ACOT7: variants seen among roughly 807,000 people sequenced by gnomAD.
ACOT7 encodes cytosolic acyl coenzyme A thioester hydrolase.
A neutral mutation model predicts 40.2 loss-of-function variants in ACOT7; 12 were observed. The ratio of observed to expected loss-of-function variants is 0.30; its 90% CI spans 0.19 to 0.48. The LOEUF is 0.48. ACOT7 is among the 20% of genes least tolerant of loss of function. The pLI is 0.99. For synonymous variants in ACOT7, 228 were observed against 219.5 expected, an observed-to-expected ratio of 1.04 and a Z score of -0.34; for missense variants, 395 against 530.8, an observed-to-expected ratio of 0.74 and a Z score of 2.51.
chr1:6,328,924 C>T (rs542396775), intron 4 of ACOT7, among the ~76,000 whole-genome samples: 1 of 152,344 alleles, frequency 6.6e-6, no homozygotes, highest in Admixed American at 6.5e-5. Flanking sequence ...TCCCCCACGA[C>T]CTTCTCCCTC....
intron 8 of ACOT7, among the ~76,000 whole-genome samples, chr1:6,270,874 G>T (rs1277732304): frequency 6.6e-6 from 1 of 152,168 alleles, no homozygotes. Flanking sequence ...GGGCCAGATG[G>T]CCCGGGGTCA....
At chr1:6,365,899 T>C (rs1642000019) in intron 1 of ACOT7, among the ~76,000 whole-genome samples, 1 of 151,526 alleles carries the variant, frequency 6.6e-6, no homozygotes, top group Admixed American at 6.6e-5. Context: ...TGTTTTGGGG[T>C]TTATTTTTTT....
intron 1 of ACOT7, among the ~76,000 whole-genome samples, chr1:6,368,340 G>C (rs1283477073): frequency 1.3e-5 from 2 of 152,178 alleles, no homozygotes; most frequent in South Asian, 2.1e-4. Context: ...CATCAGCAGG[G>C]TGGGTGCGGT....
intron 4 of ACOT7, among the ~76,000 whole-genome samples, chr1:6,332,944 G>A (rs1283153372): frequency 6.6e-6 from 1 of 152,194 alleles, no homozygotes; most frequent in Non-Finnish European, 1.5e-5. Context: ...GGGACAAGAA[G>A]GGAGAAAGAC....
At chr1:6,393,152 C>A in intron 1 of ACOT7, 105 bp downstream of exon 1, 6 of 1,149,976 alleles carry the variant, frequency 5.2e-6, no homozygotes, top group Non-Finnish European at 6.5e-6. Context: ...AATCGGCGGG[C>A]GGGGGCGGCC....
At chr1:6,270,897 G>A (rs559647577) in intron 8 of ACOT7, among the ~76,000 whole-genome samples, 4 of 152,272 alleles carry the variant, frequency 2.6e-5, no homozygotes, top group East Asian at 3.9e-4. Flanking sequence ...TTAACGCAGC[G>A]GGCCCTTTAG....
At chr1:6,267,996 C>A (rs1456016585) in intron 8 of ACOT7, among the ~76,000 whole-genome samples, 1 of 152,210 alleles carries the variant, frequency 6.6e-6, no homozygotes, top group Non-Finnish European at 1.5e-5. Context: ...AGAAGCCGGT[C>A]ACAGGGTCTG....
chr1:6,375,530 A>C (rs1642212440), intron 1 of ACOT7, among the ~76,000 whole-genome samples: 1 of 152,032 alleles, frequency 6.6e-6, no homozygotes, highest in Non-Finnish European at 1.5e-5. Context: ...ACATGCCTGC[A>C]ATCCCTGCTT....
intron 1 of ACOT7, chr1:6,385,678 T>C: frequency 1.9e-6 from 3 of 1,609,780 alleles, no homozygotes; most frequent in East Asian, 2.2e-5. Context: ...CTGCGGTAAG[T>C]GGGCAAACTG....
chr1:6,363,595 C>T (rs946147649), intron 1 of ACOT7, among the ~76,000 whole-genome samples: 13 of 152,082 alleles, frequency 8.5e-5, no homozygotes, highest in African/African-American at 3.1e-4. Context: ...GAAATAATGG[C>T]GTAAGCTGTC....
intron 5 of ACOT7, among the ~76,000 whole-genome samples, chr1:6,323,622 G>A (rs11808611): frequency 0.086 from 12,964 of 150,440 alleles, 958 homozygotes; most frequent in African/African-American, 0.19. Context: ...GGAGGCTGAG[G>A]CACCAGAATC....
Position 6,358,322 on chromosome 1 carries a change from C to T in ACOT7, c.144-8456G>A, listed in dbSNP as rs191331993. 3.4e-4 allele frequency among the ~76,000 whole-genome samples: 52 copies of T among 152,172 alleles called. No individual in the cohort carries two copies. Among genetic ancestry groups the T allele is most frequent in the Non-Finnish European group, 7.4e-4 (50 of 67,994 alleles). ...AGCACTTGCAGGCCCCCAAGCAGGACGGGGGAAGAGGCCAACAATGGCCCT... is the reference window on the plus strand; with the variant it reads ...AGCACTTGCAGGCCCCCAAGCAGGATGGGGGAAGAGGCCAACAATGGCCCT... On this transcript the variant is annotated intron_variant, in intron 1 of 8. Transcript: ENST00000361521. This position sits in a 1 kb window ranked among gnomAD's most constrained non-coding sequence, Gnocchi z 4.1.
At chr1:6,327,865 C>T (rs1557652682) in intron 4 of ACOT7, among the ~76,000 whole-genome samples, 1 of 152,134 alleles carries the variant, frequency 6.6e-6, no homozygotes, top group Non-Finnish European at 1.5e-5. Context: ...CCTCTGCCTC[C>T]CGGGTTCAAG....
At chr1:6,385,839 G>A (rs1368747878) in intron 1 of ACOT7, 1 of 1,414,948 alleles carries the variant, frequency 7.1e-7, no homozygotes, top group East Asian at 2.6e-5. Context: ...CCCCCGGCAA[G>A]CCGCCTCCTC....
intron 1 of ACOT7, among the ~76,000 whole-genome samples, chr1:6,391,054 G>C (rs1015952538): frequency 1.3e-5 from 2 of 151,980 alleles, no homozygotes; most frequent in Non-Finnish European, 2.9e-5. Context: ...CCAGCACTTT[G>C]AGAGGCTGAG....
chr1:6,379,041 G>A (rs1238703122), intron 1 of ACOT7, among the ~76,000 whole-genome samples: 7 of 151,536 alleles, frequency 4.6e-5, no homozygotes, highest in East Asian at 1.9e-4. Context: ...GACTACAGGC[G>A]CCCGCCATCA....
chr1:6,380,910 T>C (rs1040018891), intron 1 of ACOT7, among the ~76,000 whole-genome samples: 1 of 151,746 alleles, frequency 6.6e-6, no homozygotes, highest in Non-Finnish European at 1.5e-5. Context: ...AATGTGTGCA[T>C]CAACAGACAA....
At chr1:6,266,310 C>G (rs930116656) in intron 8 of ACOT7, among the ~76,000 whole-genome samples, 34 of 152,246 alleles carry the variant, frequency 2.2e-4, no homozygotes, top group African/African-American at 8.2e-4. Flanking sequence ...TTGGAGGGCA[C>G]AGAGCGCAGC....
intron 6 of ACOT7, among the ~76,000 whole-genome samples, chr1:6,295,885 A>T (rs957154164): frequency 6.6e-6 from 1 of 152,104 alleles, no homozygotes; most frequent in African/African-American, 2.4e-5. Context: ...ATACAAAAAA[A>T]AAAAATCAAC....
Sources: gnomAD v4.1 joint callset for allele counts (sites outside exome capture counted in the v4.1 genomes callset) on GRCh38, gnomAD v4.1.1 for gene constraint, Gnocchi (gnomAD v3.1) non-coding constraint, MANE v1.5 for transcripts, NCBI Gene and HGNC (gene_info 2026-07-23, HGNC 2026-07-21) for gene names.